The following FGGY variants were observed in gnomAD, a reference collection of about 807,000 sequenced individuals.
FGGY encodes FGGY carbohydrate kinase domain containing.
A neutral mutation model predicts 71.3 loss-of-function variants in FGGY; 72 were observed. That is an observed-to-expected ratio of 1.01 (90% CI 0.84 to 1.23). FGGY has a LOEUF of 1.23. FGGY is among the 50% of genes most tolerant of loss of function. The probability of loss-of-function intolerance (pLI) is 0.00; values close to 1 mark genes in which losing one functional copy is unlikely to be tolerated. For missense variants in FGGY, 668 were observed against 682.3 expected (o/e 0.98, Z 0.23); for synonymous variants, 251 against 250.3 (o/e 1.00, Z -0.02).
chr1:59,615,757 G>A (rs2096745680), intron 9 of FGGY, among the ~76,000 whole-genome samples: 1 of 151,990 alleles, frequency 6.6e-6, no homozygotes, highest in South Asian at 2.1e-4. Context: ...TCTGACAAAG[G>A]GCTAATATCC....
At chr1:59,313,679 A>C (rs2044810482) in intron 1 of FGGY, among the ~76,000 whole-genome samples, 1 of 152,212 alleles carries the variant, frequency 6.6e-6, no homozygotes, top group South Asian at 2.1e-4. Flanking sequence ...ACTGGAGACT[A>C]TTATTCTAAG....
At position 59,762,631 on chromosome 1, in the gene FGGY, T is replaced by A; in HGVS notation, c.*47T>A. ...GCCAGAAGCTTCTGTGCCATTGCAT[T>A]AAAGACTTGTCATTTGATCCATGTT... On this transcript the variant is annotated 3_prime_UTR_variant, in exon 16 of 16. Transcript: ENST00000303721. The A allele has an allele frequency of 7.6e-7, 1 of 1,311,434 alleles. No homozygotes were observed. Among genetic ancestry groups the A allele is most frequent in the Non-Finnish European group, 1.0e-6 (1 of 955,570 alleles). The allele number at this position is 1,311,434 out of a possible 1,614,324, so 81.2% of individuals were successfully genotyped here.
At chr1:59,320,181 G>A (rs1347803403) in intron 1 of FGGY, among the ~76,000 whole-genome samples, 1 of 152,206 alleles carries the variant, frequency 6.6e-6, no homozygotes, top group Non-Finnish European at 1.5e-5. Context: ...AGAGCCAAAA[G>A]GGGGACAATT....
intron 6 of FGGY, among the ~76,000 whole-genome samples, chr1:59,467,385 A>C (rs937136619): frequency 2.6e-5 from 4 of 152,064 alleles, no homozygotes; most frequent in African/African-American, 9.7e-5. Flanking sequence ...CATTAGAATA[A>C]ATATCTAATG....
chr1:59,613,169 C>T (rs1441879682), intron 9 of FGGY, among the ~76,000 whole-genome samples: 1 of 152,226 alleles, frequency 6.6e-6, no homozygotes, highest in Non-Finnish European at 1.5e-5. Flanking sequence ...CTACAGAACT[C>T]TCCACCCCAA....
intron 9 of FGGY, among the ~76,000 whole-genome samples, chr1:59,622,159 G>T (rs1477268812): frequency 6.6e-6 from 1 of 151,696 alleles, no homozygotes; most frequent in African/African-American, 2.4e-5. Context: ...TATTACATTT[G>T]TATTTTAATA....
chr1:59,647,802 G>A (rs1286023373), intron 11 of FGGY, among the ~76,000 whole-genome samples: 2 of 133,258 alleles, frequency 1.5e-5, no homozygotes, highest in Admixed American at 7.7e-5. Context: ...CATTGTGCAG[G>A]TTAGTTACAT....
chr1:59,435,773 T>TGTG (rs1398081857), intron 5 of FGGY, among the ~76,000 whole-genome samples: 1 of 151,680 alleles, frequency 6.6e-6, no homozygotes, highest in Non-Finnish European at 1.5e-5. Context: ...TGTGTGTGTG[T>TGTG]GTGTGTGTGT....
intron 8 of FGGY, among the ~76,000 whole-genome samples, chr1:59,567,583 T>C (rs1308765878): frequency 6.6e-6 from 1 of 151,926 alleles, no homozygotes; most frequent in Non-Finnish European, 1.5e-5. Context: ...AAATTACAGG[T>C]TTCCATGTAA....
intron 8 of FGGY, among the ~76,000 whole-genome samples, chr1:59,556,817 A>G (rs1479471933): frequency 6.6e-6 from 1 of 152,190 alleles, no homozygotes; most frequent in Non-Finnish European, 1.5e-5. Flanking sequence ...CTAGTGATGT[A>G]AACGGCTCAC....
At chr1:59,367,096 C>T (rs1375418045) in intron 4 of FGGY, among the ~76,000 whole-genome samples, 6 of 152,086 alleles carry the variant, frequency 3.9e-5, no homozygotes, top group Non-Finnish European at 8.8e-5. Flanking sequence ...AGATGTCGCA[C>T]CATCTTTAAT....
At chr1:59,551,715 G>C (rs1293392726) in intron 7 of FGGY, among the ~76,000 whole-genome samples, 1 of 152,022 alleles carries the variant, frequency 6.6e-6, no homozygotes, top group Non-Finnish European at 1.5e-5. Flanking sequence ...CATGACCCTG[G>C]TGAAGTTACT....
rs1439790124 is a variant in FGGY at position 59,583,300 on chromosome 1, G to A, written c.904-24503G>A. ...ATGATGGCATTGGGAAGCTATAAGG[G>A]TGATTCTGACTTCTCTGAAATGACA... On this transcript the variant is annotated intron_variant, in intron 8 of 15. Coordinates refer to ENST00000303721, the MANE Select transcript of FGGY (RefSeq NM_018291.5). Among the ~76,000 whole-genome samples the A allele has an allele frequency of 1.4e-5, 2 of 143,372 alleles. 1 individual carries two copies. The highest frequency in any genetic ancestry group is 5.2e-4 in the South Asian group (2 of 3,874). 94.1% of individuals were successfully genotyped at this position (143,372 alleles called of 152,430 possible).
chr1:59,473,432 G>C (rs1199154775), intron 6 of FGGY, among the ~76,000 whole-genome samples: 1 of 152,200 alleles, frequency 6.6e-6, no homozygotes, highest in African/African-American at 2.4e-5. Flanking sequence ...CACTCACCGT[G>C]AGGGTCCGCG....
intron 2 of FGGY, among the ~76,000 whole-genome samples, chr1:59,323,617 C>T (rs1420080659): frequency 6.6e-6 from 1 of 152,196 alleles, no homozygotes; most frequent in Non-Finnish European, 1.5e-5. Context: ...GATTCTGCAG[C>T]CAGACTGCCT....
chr1:59,371,724 C>T (rs1314227137), intron 4 of FGGY, among the ~76,000 whole-genome samples: 1 of 152,134 alleles, frequency 6.6e-6, no homozygotes, highest in Admixed American at 6.5e-5. Flanking sequence ...GACCACAGTG[C>T]AATCAAACTA....
chr1:59,522,604 A>C (rs565270606), intron 7 of FGGY, among the ~76,000 whole-genome samples: 1 of 152,318 alleles, frequency 6.6e-6, no homozygotes, highest in East Asian at 1.9e-4. Flanking sequence ...TTTGTTTACT[A>C]AATTTGTTAA....
intron 10 of FGGY, among the ~76,000 whole-genome samples, chr1:59,633,865 A>C (rs1250904987): frequency 2.0e-5 from 3 of 152,204 alleles, no homozygotes; most frequent in Admixed American, 2.0e-4. Context: ...GAAAGACAGT[A>C]GATCTCTGGA....
At position 59,712,671 on chromosome 1, in the gene FGGY, C is replaced by G. The variant is rs978528393; in HGVS notation, c.1512+38538C>G. Among the ~76,000 whole-genome samples the G allele has an allele frequency of 5.9e-5, 9 of 152,182 alleles. No homozygotes were observed. The South Asian group carries it at 1.5e-3, about 25-fold the overall frequency. On this transcript the variant is annotated intron_variant, in intron 14 of 15. Coordinates refer to ENST00000303721, the MANE Select transcript of FGGY (RefSeq NM_018291.5). Reference sequence around the variant, plus strand: ...GCTGCCAAGGCTTGAGGCTTGCACCCTCTGAAGCCACAGGCCAAGCTATAG... The same window carrying G: ...GCTGCCAAGGCTTGAGGCTTGCACCGTCTGAAGCCACAGGCCAAGCTATAG...
Sources: allele counts gnomAD v4.1 joint callset (sites outside exome capture counted in the v4.1 genomes callset), GRCh38; gene constraint gnomAD v4.1.1; transcripts MANE v1.5; gene names NCBI Gene and HGNC (gene_info 2026-07-23, HGNC 2026-07-21).